Variants in GPCPD1 observed in about 807,000 individuals in gnomAD.
The protein encoded by GPCPD1 is glycerophosphocholine phosphodiesterase 1.
Under a neutral mutation model 89.2 loss-of-function variants are expected in GPCPD1, and 29 were observed. That is an observed-to-expected ratio of 0.33 (90% CI 0.24 to 0.44). The LOEUF is 0.44. GPCPD1 is among the 20% of genes least tolerant of loss of function. GPCPD1 has a pLI of 1.00. For synonymous variants in GPCPD1, 258 were observed against 266.3 expected, an observed-to-expected ratio of 0.97 and a Z score of 0.30; for missense variants, 594 against 808.9, an observed-to-expected ratio of 0.73 and a Z score of 3.22.
chr20:5,576,313 G>A (rs758115827), intron 8 of GPCPD1, among the ~76,000 whole-genome samples: 11 of 151,504 alleles, frequency 7.3e-5, no homozygotes, highest in Non-Finnish European at 1.5e-4. Context: ...CCAGCTACTC[G>A]GGAGGCTAAT....
At chr20:5,600,103 A>G (rs1240895776) in intron 2 of GPCPD1, among the ~76,000 whole-genome samples, 1 of 152,218 alleles carries the variant, frequency 6.6e-6, no homozygotes, top group African/African-American at 2.4e-5. Flanking sequence ...AGACTCCTCC[A>G]CATTCTGAGA....
intron 13 of GPCPD1, 121 bp downstream of exon 13, chr20:5,567,362 C>T (rs1326330443): frequency 3.3e-6 from 4 of 1,198,534 alleles, no homozygotes; most frequent in Non-Finnish European, 4.5e-6. Flanking sequence ...TACCAAAGCA[C>T]ATAGTCTACA....
At chr20:5,564,647 G>A (rs370224571) in intron 15 of GPCPD1, among the ~76,000 whole-genome samples, 1 of 152,108 alleles carries the variant, frequency 6.6e-6, no homozygotes, top group East Asian at 1.9e-4. Context: ...AGACCAGCCT[G>A]CGCAACAAGG....
intron 19 of GPCPD1, among the ~76,000 whole-genome samples, chr20:5,552,285 C>G (rs1330196485): frequency 6.6e-6 from 1 of 152,100 alleles, no homozygotes; most frequent in Non-Finnish European, 1.5e-5. Context: ...ACAGTCATGC[C>G]CTGATTTACA....
intron 19 of GPCPD1, among the ~76,000 whole-genome samples, chr20:5,553,643 G>C (rs1244433495): frequency 1.3e-5 from 2 of 152,186 alleles, no homozygotes; most frequent in African/African-American, 4.8e-5. Context: ...TGAAAAGAAA[G>C]CAAAGCAGCC....
intron 16 of GPCPD1, among the ~76,000 whole-genome samples, chr20:5,560,491 A>G (rs1037398213): frequency 6.6e-6 from 1 of 152,228 alleles, no homozygotes; most frequent in Admixed American, 6.5e-5. Flanking sequence ...TAAAAGTCTC[A>G]TTCTTTGGGT....
intron 19 of GPCPD1, among the ~76,000 whole-genome samples, chr20:5,552,882 T>C (rs991384691): frequency 5.9e-5 from 9 of 152,256 alleles, no homozygotes; most frequent in African/African-American, 2.2e-4. Flanking sequence ...AAGGAATGTA[T>C]TGTTTAAAGC....
At chr20:5,600,179 C>T (rs945878878) in intron 2 of GPCPD1, among the ~76,000 whole-genome samples, 5 of 152,226 alleles carry the variant, frequency 3.3e-5, no homozygotes, top group African/African-American at 1.2e-4. Flanking sequence ...GCTTTAGCCA[C>T]CTGCATGAGC....
At chr20:5,577,050 G>A (rs1978291402) in intron 8 of GPCPD1, among the ~76,000 whole-genome samples, 1 of 138,332 alleles carries the variant, frequency 7.2e-6, no homozygotes, top group Non-Finnish European at 1.5e-5. Flanking sequence ...CAAAAAAAAA[G>A]TTGTTTTTTT....
At chr20:5,604,951 T>A (rs1306649281) in intron 1 of GPCPD1, among the ~76,000 whole-genome samples, 1 of 151,424 alleles carries the variant, frequency 6.6e-6, no homozygotes, top group Non-Finnish European at 1.5e-5. Flanking sequence ...AGACCCTGTC[T>A]CGAAAAAAAC....
chr20:5,547,383 A>G lies in GPCPD1; in HGVS notation c.*278T>C, dbSNP rs374017119. ...TTTCAAAGTGCTATGCTTTTAATGA[A>G]CATATGTTTAACATTATAGATTTAT... On this transcript the variant is annotated 3_prime_UTR_variant, in exon 20 of 20. Coordinates refer to ENST00000379019, the MANE Select transcript of GPCPD1 (RefSeq NM_019593.5). 5.5e-6 allele frequency: 1 copy of G among 182,010 alleles called. No individual in the cohort carries two copies. Among genetic ancestry groups the G allele is most frequent in the East Asian group, 1.3e-4 (1 of 7,478 alleles). The allele number at this position is 182,010 out of a possible 1,614,324, so 11.3% of individuals were successfully genotyped here.
intron 2 of GPCPD1, 41 bp downstream of exon 2, chr20:5,604,322 TA>T (rs1159215713): frequency 1.0e-6 from 1 of 977,094 alleles, no homozygotes; most frequent in Non-Finnish European, 1.6e-6. Flanking sequence ...AGAAACATGC[TA>T]ATTTAATTTT....
At chr20:5,586,013 TAA>T in intron 5 of GPCPD1, 179 bp downstream of exon 5, 1 of 437,202 alleles carries the variant, frequency 2.3e-6, no homozygotes, top group Admixed American at 4.0e-5. Context: ...AAGTTTATTT[TAA>T]GAGGCAATTA....
intron 1 of GPCPD1, among the ~76,000 whole-genome samples, chr20:5,604,780 C>CACACAT (rs1980458623): frequency 6.7e-6 from 1 of 149,846 alleles, no homozygotes; most frequent in African/African-American, 2.5e-5. Flanking sequence ...TGTCTACACA[C>CACACAT]ACACACACAC....
intron 3 of GPCPD1, among the ~76,000 whole-genome samples, chr20:5,596,153 C>A (rs541776383): frequency 1.3e-5 from 2 of 151,994 alleles, no homozygotes; most frequent in African/African-American, 4.8e-5. Flanking sequence ...ATACCCAGCA[C>A]GCTGGGAGGC....
chr20:5,552,086 A>G (rs1985446943), intron 19 of GPCPD1, among the ~76,000 whole-genome samples: 1 of 152,246 alleles, frequency 6.6e-6, no homozygotes, highest in Non-Finnish European at 1.5e-5. Flanking sequence ...AGAAATAGGT[A>G]CAAGAAATTA....
chr20:5,584,728 A>G (rs6133234), intron 5 of GPCPD1: 37,857 of 154,116 alleles, frequency 0.25, 5,113 homozygotes, highest in East Asian at 0.43. Context: ...CATATTCTGA[A>G]CTTGTCTCAA....
chr20:5,584,175 C>G (rs1978749818), intron 6 of GPCPD1, 106 bp downstream of exon 6: 2 of 631,344 alleles, frequency 3.2e-6, no homozygotes, highest in East Asian at 5.6e-5. Flanking sequence ...CGTTATGCAG[C>G]ACATGACTGT....
intron 10 of GPCPD1, 114 bp downstream of exon 10, chr20:5,575,299 A>G: frequency 1.3e-6 from 1 of 786,728 alleles, no homozygotes; most frequent in South Asian, 2.2e-5. Flanking sequence ...AAATTACACT[A>G]AATTCCCTTG....
Sources: gnomAD v4.1 joint callset for allele counts (sites outside exome capture counted in the v4.1 genomes callset) on GRCh38, gnomAD v4.1.1 for gene constraint, MANE v1.5 for transcripts, NCBI Gene and HGNC (gene_info 2026-07-23, HGNC 2026-07-21) for gene names.